The following TENM4 variants were observed in gnomAD, a reference collection of about 807,000 sequenced individuals.
TENM4 encodes teneurin-4.
A neutral mutation model predicts 243.3 loss-of-function variants in TENM4; 82 were observed. The observed-to-expected ratio is 0.34, with a 90% CI of 0.28 to 0.40. TENM4 has a LOEUF of 0.40. Among genes scored for constraint, TENM4 ranks in the 10% least tolerant of loss-of-function variants. The probability of loss-of-function intolerance (pLI) is 1.00; values close to 1 mark genes in which losing one functional copy is unlikely to be tolerated. For missense variants in TENM4, 3,138 were observed against 3,673.3 expected (o/e 0.85, Z 3.77); for synonymous variants, 1,412 against 1,456.3 (o/e 0.97, Z 0.69).
intron 9 of TENM4, among the ~76,000 whole-genome samples, chr11:78,872,150 C>T (rs191798431): frequency 2.6e-4 from 39 of 152,310 alleles, no homozygotes; most frequent in Non-Finnish European, 5.4e-4. Context: ...GATCCAAAAG[C>T]AGATTCCAGT....
chr11:79,228,562 C>T (rs1042514449), intron 2 of TENM4, among the ~76,000 whole-genome samples: 2 of 152,014 alleles, frequency 1.3e-5, no homozygotes, highest in South Asian at 2.1e-4. Flanking sequence ...CGCAGACACA[C>T]GTGCTTATTT....
chr11:79,084,163 T>G (rs568202814), intron 4 of TENM4, among the ~76,000 whole-genome samples: 1 of 152,286 alleles, frequency 6.6e-6, no homozygotes, highest in East Asian at 1.9e-4. Context: ...TAAACCACAG[T>G]GAGCTATCAC....
At chr11:78,900,562 T>C (rs750274122) in intron 7 of TENM4, among the ~76,000 whole-genome samples, 1 of 152,198 alleles carries the variant, frequency 6.6e-6, no homozygotes, top group Non-Finnish European at 1.5e-5. Flanking sequence ...AAATGGGAAA[T>C]AGCTTTTAGA....
intron 7 of TENM4, among the ~76,000 whole-genome samples, chr11:78,895,252 C>T (rs1460080016): frequency 6.6e-6 from 1 of 151,532 alleles, no homozygotes; most frequent in African/African-American, 2.4e-5. Flanking sequence ...AGGAGAATCG[C>T]TTGGACCCAG....
At chr11:78,992,495 C>A (rs963113512) in intron 6 of TENM4, among the ~76,000 whole-genome samples, 52 of 152,182 alleles carry the variant, frequency 3.4e-4, no homozygotes, top group African/African-American at 1.2e-3. Context: ...TCTCAGGATT[C>A]CATGGCTTAA....
intron 2 of TENM4, among the ~76,000 whole-genome samples, chr11:79,233,666 A>G (rs575066407): frequency 6.6e-6 from 1 of 151,836 alleles, no homozygotes; most frequent in Non-Finnish European, 1.5e-5. Flanking sequence ...GTGAATGGGG[A>G]GAGGAGATCG....
At chr11:79,272,972 G>A (rs573799099) in intron 2 of TENM4, among the ~76,000 whole-genome samples, 2 of 152,226 alleles carry the variant, frequency 1.3e-5, no homozygotes, top group East Asian at 3.9e-4. Context: ...TTTAGGCCCT[G>A]GACATTGATC....
At chr11:79,268,442 A>G (rs951360825) in intron 2 of TENM4, among the ~76,000 whole-genome samples, 2 of 152,212 alleles carry the variant, frequency 1.3e-5, no homozygotes, top group African/African-American at 4.8e-5. Context: ...TCTTCTCTTT[A>G]AATCTTACTT....
intron 3 of TENM4, among the ~76,000 whole-genome samples, chr11:79,199,131 G>A (rs957491837): frequency 6.6e-6 from 1 of 152,160 alleles, no homozygotes; most frequent in Non-Finnish European, 1.5e-5. Context: ...CTCGTGGAGA[G>A]GTAGAATAAT....
chr11:79,440,985 G>A lies in TENM4; in HGVS notation c.-797C>T, dbSNP rs1293192165. The A allele has an allele frequency of 6.6e-6, 1 of 151,964 alleles. No homozygotes were observed. Among genetic ancestry groups the A allele is most frequent in the Non-Finnish European group, 1.5e-5 (1 of 68,082 alleles). 9.4% of individuals were successfully genotyped at this position (151,964 alleles called of 1,614,324 possible). ...ACACAGAAAGAGAGGGCGAGCGAGA[G>A]AGAGACACACACACACACGCACACG... is the stretch of plus-strand genomic sequence containing the variant. On this transcript the variant is annotated 5_prime_UTR_variant, in exon 1 of 34. Transcript: ENST00000278550. This position sits in a 1 kb window ranked among gnomAD's most constrained non-coding sequence, Gnocchi z 4.7.
chr11:79,198,417 C>G (rs541011558), intron 3 of TENM4, among the ~76,000 whole-genome samples: 2 of 152,194 alleles, frequency 1.3e-5, no homozygotes, highest in South Asian at 2.1e-4. Context: ...TTTCAACACT[C>G]GCCAGGTGAT....
intron 1 of TENM4, among the ~76,000 whole-genome samples, chr11:79,367,867 A>G (rs1254225791): frequency 6.6e-6 from 1 of 152,208 alleles, no homozygotes; most frequent in Admixed American, 6.5e-5. Context: ...TTCTTTTGGC[A>G]GGGTGGTGGG....
intron 1 of TENM4, among the ~76,000 whole-genome samples, chr11:79,369,763 C>T (rs940579886): frequency 6.6e-6 from 1 of 152,220 alleles, no homozygotes; most frequent in South Asian, 2.1e-4. Flanking sequence ...CCTTCCAGAA[C>T]CTTCTCTCAA....
chr11:79,215,423 C>T (rs1367117098), intron 3 of TENM4, among the ~76,000 whole-genome samples: 1 of 152,208 alleles, frequency 6.6e-6, no homozygotes, highest in African/African-American at 2.4e-5. Context: ...AGACTCTGGG[C>T]CCTGCACCCT....
chr11:78,793,568 G>C (rs975957976), intron 15 of TENM4, among the ~76,000 whole-genome samples: 2 of 152,204 alleles, frequency 1.3e-5, no homozygotes, highest in African/African-American at 4.8e-5. Context: ...CTGCACAAGT[G>C]GGGGAGTTTA....
chr11:79,154,035 G>A (rs1256773935), intron 3 of TENM4, among the ~76,000 whole-genome samples: 1 of 152,088 alleles, frequency 6.6e-6, no homozygotes, highest in Non-Finnish European at 1.5e-5. Context: ...GCAAAAACCT[G>A]AAGGCTTATG....
At chr11:79,395,749 G>T (rs1292287730) in intron 1 of TENM4, among the ~76,000 whole-genome samples, 1 of 152,130 alleles carries the variant, frequency 6.6e-6, no homozygotes, top group Non-Finnish European at 1.5e-5. Flanking sequence ...CCAATAACTG[G>T]ATAACACAGG....
At chr11:78,687,121 A>G (rs1858700901) in intron 29 of TENM4, among the ~76,000 whole-genome samples, 1 of 152,134 alleles carries the variant, frequency 6.6e-6, no homozygotes, top group African/African-American at 2.4e-5. Context: ...GGCTCAGAGA[A>G]GAAGAGTGAC....
chr11:79,248,197 T>C (rs1395139784), intron 2 of TENM4, among the ~76,000 whole-genome samples: 1 of 152,172 alleles, frequency 6.6e-6, no homozygotes, highest in Non-Finnish European at 1.5e-5. Flanking sequence ...GTAGGTGAGA[T>C]ACCTGCGCAA....
Sources: allele counts gnomAD v4.1 joint callset (sites outside exome capture counted in the v4.1 genomes callset), GRCh38; gene constraint gnomAD v4.1.1; non-coding constraint Gnocchi (gnomAD v3.1); transcripts MANE v1.5; gene names NCBI Gene and HGNC (gene_info 2026-07-23, HGNC 2026-07-21).